SLC7A8: variants seen among roughly 807,000 people sequenced by gnomAD.
SLC7A8 encodes large neutral amino acids transporter small subunit 2.
SLC7A8 carries 30 observed loss-of-function variants against 51.2 expected under a neutral mutation model. The ratio of observed to expected loss-of-function variants is 0.59; its 90% CI spans 0.44 to 0.80. The LOEUF is 0.80. Ranked by LOEUF, SLC7A8 falls within the 30% of genes least tolerant of loss-of-function variation. SLC7A8 has a pLI of 0.00. For missense variants in SLC7A8, 612 were observed against 674.4 expected (o/e 0.91, Z 1.03); for synonymous variants, 257 against 275.8 (o/e 0.93, Z 0.67).
intron 3 of SLC7A8, among the ~76,000 whole-genome samples, chr14:23,149,538 G>A (rs2048828099): frequency 6.6e-6 from 1 of 152,110 alleles, no homozygotes; most frequent in Non-Finnish European, 1.5e-5. Context: ...ACAATCAAAG[G>A]CCATAAAAGA....
Position 23,172,688 on chromosome 14 carries a change from C to T in SLC7A8, c.152-6148G>A, listed in dbSNP as rs185871008. Among the ~76,000 whole-genome samples, 30 of 152,270 alleles carry T rather than the reference C, an allele frequency of 2.0e-4. No individual in the cohort carries two copies. In the East Asian group the frequency reaches 2.1e-3, roughly 11 times the overall value. ...CTACCACCTCAAGAAGACAGCTGGCCGTATCTGGAGACACTTTTGGTTGTC... is the reference window on the plus strand; with the variant it reads ...CTACCACCTCAAGAAGACAGCTGGCTGTATCTGGAGACACTTTTGGTTGTC... On this transcript the variant is annotated intron_variant, in intron 1 of 10. Coordinates refer to ENST00000316902, the MANE Select transcript of SLC7A8 (RefSeq NM_012244.4).
rs1214441157 is a variant in SLC7A8 at position 23,182,866 on chromosome 14, C to T, written c.49G>A (p.Gly17Ser). 4 of 1,614,076 alleles carry T rather than the reference C, an allele frequency of 2.5e-6. No individual in the cohort carries two copies. The South Asian group carries it at 4.4e-5, about 18-fold the overall frequency. The change falls in exon 1 of 11, where the codon GGT (glycine) becomes AGT (serine). Residue 17 changes from glycine (G) to serine (S), a missense_variant. Physicochemically the swap from Gly to Ser is moderately conservative, Grantham distance 56. Transcript: ENST00000316902. ...GGGCTGGCGTCCGACTCGCCCCCAC[C>T]TGGGTGTTTCTTTTCGGTGTTGTTT... ...HRNNTEKKHPGGGESDASPEA... is the reference protein window; with the variant it reads ...HRNNTEKKHPSGGESDASPEA...
intron 3 of SLC7A8, chr14:23,147,063 ATG>A (rs1218241088): frequency 6.6e-6 from 1 of 151,462 alleles, no homozygotes; most frequent in African/African-American, 2.4e-5. Flanking sequence ...CAGCTTTGAA[ATG>A]TGAGGGGCTT....
chr14:23,151,062 C>T (rs1376062306), intron 3 of SLC7A8, among the ~76,000 whole-genome samples: 2 of 152,192 alleles, frequency 1.3e-5, no homozygotes, highest in Non-Finnish European at 2.9e-5. Flanking sequence ...TTATAAGTCA[C>T]GTGCCTCTGT....
intron 3 of SLC7A8, among the ~76,000 whole-genome samples, chr14:23,144,392 T>C (rs905246096): frequency 6.6e-6 from 1 of 151,426 alleles, no homozygotes; most frequent in Non-Finnish European, 1.5e-5. Flanking sequence ...TGTATTTCAT[T>C]ATGGTTTTGA....
At chr14:23,132,850 G>T (rs151248114) in intron 7 of SLC7A8, among the ~76,000 whole-genome samples, 2,010 of 151,906 alleles carry the variant, frequency 0.013, 49 homozygotes, top group East Asian at 0.073. Context: ...TGGTCAGGCT[G>T]GTCTCGAACT....
intron 1 of SLC7A8, among the ~76,000 whole-genome samples, chr14:23,167,064 C>T (rs10143650): frequency 0.28 from 42,905 of 152,082 alleles, 7,336 homozygotes; most frequent in African/African-American, 0.47. Context: ...GGACAGATTG[C>T]GGTCATACCC....
chr14:23,148,290 G>A lies in SLC7A8; in HGVS notation c.509-5086C>T, dbSNP rs146243030. ...GTTGCCCAGGCTGGAGTGCAATGGCGCAGTCTCAGCTCTCTGCAACCTCTG... is the reference window on the plus strand; with the variant it reads ...GTTGCCCAGGCTGGAGTGCAATGGCACAGTCTCAGCTCTCTGCAACCTCTG... On this transcript the variant is annotated intron_variant, in intron 3 of 10. Transcript: ENST00000316902. 4.3e-3 allele frequency among the ~76,000 whole-genome samples: 649 copies of A among 152,144 alleles called. 8 individuals are homozygous for A. The highest frequency in any genetic ancestry group is 0.014 in the African/African-American group (599 of 41,512).
At chr14:23,135,202 C>T (rs1479436901) in intron 7 of SLC7A8, among the ~76,000 whole-genome samples, 1 of 152,074 alleles carries the variant, frequency 6.6e-6, no homozygotes, top group Non-Finnish European at 1.5e-5. Context: ...ATTCTTCTGC[C>T]TCAGCCTCCT....
At position 23,133,305 on chromosome 14, in the gene SLC7A8, G is replaced by A. The variant is rs557596638; in HGVS notation, c.1017-1748C>T. Among the ~76,000 whole-genome samples the A allele has an allele frequency of 1.2e-4, 19 of 152,116 alleles. No homozygotes were observed. In the South Asian group the frequency reaches 3.7e-3, roughly 30 times the overall value. On this transcript the variant is annotated intron_variant, in intron 7 of 10. Coordinates refer to ENST00000316902, the MANE Select transcript of SLC7A8 (RefSeq NM_012244.4). ...ATAAAAATAAAATTAGCCAGGTGTGGTGGCATGTGCCTGTTGTTCTAATTA... is the reference window on the plus strand; with the variant it reads ...ATAAAAATAAAATTAGCCAGGTGTGATGGCATGTGCCTGTTGTTCTAATTA...
chr14:23,143,117 G>A lies in SLC7A8; in HGVS notation c.596C>T (p.Ala199Val), dbSNP rs1261098612. 6.2e-7 allele frequency: 1 copy of A among 1,614,046 alleles called. No homozygotes were observed. Among genetic ancestry groups the A allele is most frequent in the Non-Finnish European group, 8.5e-7 (1 of 1,180,028 alleles). ...TACAATCCCCATGATGATAATCAGG[G>A]CCAAGGCCAGGAGCTTCCCAGCTGT... ...IFTAGKLLAL[A>V]LIIIMGIVQI... The change falls in exon 4 of 11, where the codon GCC becomes GTC. Residue 199 changes from alanine (A) to valine (V), a missense_variant. Transcript: ENST00000316902.
intron 1 of SLC7A8, among the ~76,000 whole-genome samples, chr14:23,181,150 T>C (rs771566659): frequency 6.6e-6 from 1 of 150,656 alleles, no homozygotes; most frequent in Non-Finnish European, 1.5e-5. Flanking sequence ...AGAACCTTCC[T>C]AGAGGGGGAA....
At chr14:23,130,349 A>G (rs1425461654) in intron 8 of SLC7A8, among the ~76,000 whole-genome samples, 1 of 152,122 alleles carries the variant, frequency 6.6e-6, no homozygotes, top group Non-Finnish European at 1.5e-5. Flanking sequence ...AGATTAACTC[A>G]CTTAACCCTC....
At position 23,179,967 on chromosome 14, in the gene SLC7A8, G is replaced by A. The variant is rs180698822; in HGVS notation, c.151+2797C>T. ...GTCACCCAGACTGGAGTGCAGTGGCGCAACCTTGGCTCACTGCAACCTCTG... is the reference window on the plus strand; with the variant it reads ...GTCACCCAGACTGGAGTGCAGTGGCACAACCTTGGCTCACTGCAACCTCTG... On this transcript the variant is annotated intron_variant, in intron 1 of 10. Coordinates refer to ENST00000316902, the MANE Select transcript of SLC7A8 (RefSeq NM_012244.4). 1.9e-3 allele frequency among the ~76,000 whole-genome samples: 290 copies of A among 148,810 alleles called. 2 individuals are homozygous for A. The highest frequency in any genetic ancestry group is 6.6e-3 in the African/African-American group (265 of 40,134).
At position 23,133,333 on chromosome 14, in the gene SLC7A8, C is replaced by T. The variant is rs145737704; in HGVS notation, c.1017-1776G>A. On this transcript the variant is annotated intron_variant, in intron 7 of 10. Transcript: ENST00000316902. ...GCATGTGCCTGTTGTTCTAATTACT[C>T]GGGAGGCTGAGGTGACAGGATCACA... Among the ~76,000 whole-genome samples the T allele has an allele frequency of 7.4e-3, 1,096 of 148,552 alleles. 8 individuals carry two copies. Among genetic ancestry groups the T allele is most frequent in the African/African-American group, 0.025 (1,022 of 40,226 alleles).
rs758264528 is a variant in SLC7A8, at chr14:23,143,178, T to C, written c.535A>G (p.Ser179Gly). 2 of 1,614,198 alleles carry C rather than the reference T, an allele frequency of 1.2e-6. No homozygotes were observed. Among genetic ancestry groups the C allele is most frequent in the Non-Finnish European group, 1.7e-6 (2 of 1,180,034 alleles). Reference sequence around the variant, plus strand: ...TGAACCCGGGTGGCCCACCGCACACTGGAACAGTTGACCCATGTGAGGAGC... The same window carrying C: ...TGAACCCGGGTGGCCCACCGCACACCGGAACAGTTGACCCATGTGAGGAGC... ...LLLLTWVNCS[S>G]VRWATRVQDI... Residue 179 changes from serine to glycine, a missense_variant, in exon 4 of 11, where the codon AGT (serine) becomes GGT (glycine). Physicochemically the swap from Ser to Gly is moderately conservative, Grantham distance 56. Transcript: ENST00000316902.
At chr14:23,139,594 C>T in intron 5 of SLC7A8, 47 bp from the exon 6 acceptor site, 2 of 1,587,724 alleles carry the variant, frequency 1.3e-6, no homozygotes, top group Non-Finnish European at 1.7e-6. Flanking sequence ...CCCGGGACAC[C>T]CGCCTTGCCA....
At chr14:23,171,088 A>G (rs890399103) in intron 1 of SLC7A8, among the ~76,000 whole-genome samples, 17 of 152,060 alleles carry the variant, frequency 1.1e-4, no homozygotes, top group Non-Finnish European at 2.4e-4. Flanking sequence ...TTTTTCCTCC[A>G]ATGTTTTAGC....
In SLC7A8 at chr14:23,127,074, C is replaced by G. The variant is rs1053469239; in HGVS notation, c.*103G>C. On this transcript the variant is annotated 3_prime_UTR_variant, in exon 11 of 11. Transcript: ENST00000316902. ...AAGTCCTACCACTGCCTGACAAAAGCAGAGAGAGGGGTGTGTGTGTACTCG... is the reference window on the plus strand; with the variant it reads ...AAGTCCTACCACTGCCTGACAAAAGGAGAGAGAGGGGTGTGTGTGTACTCG... The G allele has an allele frequency of 1.4e-4, 194 of 1,407,034 alleles. No individual in the cohort carries two copies. The highest frequency in any genetic ancestry group is 1.4e-4 in the Non-Finnish European group (139 of 1,015,658). 87.2% of individuals were successfully genotyped at this position (1,407,034 alleles called of 1,614,324 possible). A position where few individuals can be genotyped will look rare whatever the true frequency, so the allele number is the denominator to read the frequency against.
Sources: allele counts gnomAD v4.1 joint callset (sites outside exome capture counted in the v4.1 genomes callset), GRCh38; gene constraint gnomAD v4.1.1; transcripts MANE v1.5; gene names NCBI Gene and HGNC (gene_info 2026-07-23, HGNC 2026-07-21).